The following XRCC4 variants were observed in gnomAD, a reference collection of about 807,000 sequenced individuals.
XRCC4 encodes X-ray repair cross complementing 4.
XRCC4 carries 28 observed loss-of-function variants against 39.1 expected under a neutral mutation model. The ratio of observed to expected loss-of-function variants is 0.72; its 90% CI spans 0.53 to 0.98. XRCC4 has a LOEUF of 0.98. Among genes scored for constraint, XRCC4 ranks in the 50% least tolerant of loss-of-function variants. The probability of loss-of-function intolerance (pLI) is 0.00; values close to 1 mark genes in which losing one functional copy is unlikely to be tolerated. For synonymous variants in XRCC4, 123 were observed against 126.4 expected (o/e 0.97, Z 0.18); for missense variants, 350 against 376.4 (o/e 0.93, Z 0.58).
intron 7 of XRCC4, among the ~76,000 whole-genome samples, chr5:83,340,790 G>T (rs1400821319): frequency 6.6e-6 from 1 of 152,124 alleles, no homozygotes; most frequent in Admixed American, 6.6e-5. Context: ...ATGGTAATTT[G>T]TTGCATCAGC....
intron 6 of XRCC4, among the ~76,000 whole-genome samples, chr5:83,238,249 A>G (rs897062645): frequency 2.0e-5 from 3 of 152,210 alleles, no homozygotes; most frequent in Admixed American, 6.6e-5. Flanking sequence ...GGTCTGAGCT[A>G]GAACATTTCT....
At chr5:83,326,185 T>G (rs1310473475) in intron 7 of XRCC4, among the ~76,000 whole-genome samples, 2 of 152,134 alleles carry the variant, frequency 1.3e-5, no homozygotes, top group Non-Finnish European at 2.9e-5. Flanking sequence ...GCAAAAATTT[T>G]CACCCATTCT....
intron 7 of XRCC4, among the ~76,000 whole-genome samples, chr5:83,325,800 T>C (rs1196160130): frequency 6.6e-6 from 1 of 152,142 alleles, no homozygotes; most frequent in Non-Finnish European, 1.5e-5. Flanking sequence ...AATAGAATTA[T>C]TCTATTTCTT....
intron 6 of XRCC4, among the ~76,000 whole-genome samples, chr5:83,208,879 T>C (rs894293987): frequency 6.6e-6 from 1 of 152,126 alleles, no homozygotes; most frequent in African/African-American, 2.4e-5. Context: ...TATGGCTGCA[T>C]ACTAAGGCCC....
At chr5:83,145,153 C>G (rs1006594867) in intron 3 of XRCC4, among the ~76,000 whole-genome samples, 9 of 152,192 alleles carry the variant, frequency 5.9e-5, no homozygotes, top group African/African-American at 2.2e-4. Context: ...CCTCGGCCTC[C>G]CACAGTGCTG....
intron 7 of XRCC4, among the ~76,000 whole-genome samples, chr5:83,331,375 G>T (rs1756432831): frequency 1.3e-5 from 2 of 152,006 alleles, no homozygotes; most frequent in East Asian, 3.9e-4. Flanking sequence ...CATGTACTTT[G>T]TTTGCATTGA....
At chr5:83,335,284 C>T (rs558823044) in intron 7 of XRCC4, among the ~76,000 whole-genome samples, 9 of 151,604 alleles carry the variant, frequency 5.9e-5, no homozygotes, top group East Asian at 1.9e-4. Flanking sequence ...ACTCAATTTT[C>T]GTTAAGATAA....
intron 3 of XRCC4, among the ~76,000 whole-genome samples, chr5:83,111,909 G>A (rs1409423813): frequency 6.6e-6 from 1 of 152,136 alleles, no homozygotes; most frequent in African/African-American, 2.4e-5. Context: ...TTCTGAAGGA[G>A]AGGGAAGGAA....
Position 83,282,167 on chromosome 5 carries a change from G to A in XRCC4, c.893+23490G>A, listed in dbSNP as rs146046974. Among the ~76,000 whole-genome samples the A allele has an allele frequency of 2.7e-4, 41 of 152,288 alleles. 1 individual carries two copies. The East Asian group carries it at 7.5e-3, about 28-fold the overall frequency. ...AAAATAGAAAATGGATGACTCCTATGGCAAATGGTTTGGGGAGAGACAATG... is the reference window on the plus strand; with the variant it reads ...AAAATAGAAAATGGATGACTCCTATAGCAAATGGTTTGGGGAGAGACAATG... On this transcript the variant is annotated intron_variant, in intron 7 of 7. Transcript: ENST00000396027.
At chr5:83,336,670 T>A (rs1316063412) in intron 7 of XRCC4, among the ~76,000 whole-genome samples, 2 of 152,136 alleles carry the variant, frequency 1.3e-5, no homozygotes, top group Non-Finnish European at 2.9e-5. Context: ...TAATGAAGCG[T>A]AGGTTAATAG....
chr5:83,249,328 AT>A (rs1480509786), intron 6 of XRCC4, among the ~76,000 whole-genome samples: 2 of 152,116 alleles, frequency 1.3e-5, no homozygotes, highest in Non-Finnish European at 2.9e-5. Flanking sequence ...GTGTTGCCTA[AT>A]CCCATTCGGT....
intron 6 of XRCC4, among the ~76,000 whole-genome samples, chr5:83,246,154 A>G (rs1180631900): frequency 2.0e-5 from 3 of 152,028 alleles, no homozygotes; most frequent in Non-Finnish European, 4.4e-5. Context: ...ATATCTATCT[A>G]TGTATCTATT....
At chr5:83,087,200 T>G (rs1218607467) in intron 1 of XRCC4, among the ~76,000 whole-genome samples, 1 of 147,780 alleles carries the variant, frequency 6.8e-6, no homozygotes, top group East Asian at 2.1e-4. Flanking sequence ...GCCTGTAATC[T>G]CAGCTACTCG....
chr5:83,226,869 G>A (rs1158776594), intron 6 of XRCC4, among the ~76,000 whole-genome samples: 3 of 151,988 alleles, frequency 2.0e-5, no homozygotes, highest in African/African-American at 7.2e-5. Context: ...ACATTACTCT[G>A]GCTTGGTGTC....
At chr5:83,149,275 TAG>T (rs1748599936) in intron 3 of XRCC4, among the ~76,000 whole-genome samples, 2 of 152,152 alleles carry the variant, frequency 1.3e-5, no homozygotes, top group Non-Finnish European at 2.9e-5. Context: ...TGTTTTTCTA[TAG>T]AGTTACTAAG....
At chr5:83,082,670 A>G (rs760756093) in intron 1 of XRCC4, among the ~76,000 whole-genome samples, 2 of 152,148 alleles carry the variant, frequency 1.3e-5, no homozygotes, top group African/African-American at 2.4e-5. Flanking sequence ...CCTGTGGCCT[A>G]TGATGGCTTT....
At chr5:83,078,082 C>A (rs1744751839) in intron 1 of XRCC4, among the ~76,000 whole-genome samples, 1 of 152,192 alleles carries the variant, frequency 6.6e-6, no homozygotes, top group Admixed American at 6.5e-5. Flanking sequence ...AAAGAACTTT[C>A]TGTGGTAACC....
intron 6 of XRCC4, 40 bp from the exon 7 acceptor site, chr5:83,258,490 T>A: frequency 6.3e-7 from 1 of 1,593,410 alleles, no homozygotes; most frequent in Non-Finnish European, 8.5e-7. Flanking sequence ...ATGATGTGCA[T>A]AATTTTGTTG....
At chr5:83,233,595 A>T (rs993387451) in intron 6 of XRCC4, among the ~76,000 whole-genome samples, 1 of 151,906 alleles carries the variant, frequency 6.6e-6, no homozygotes, top group Non-Finnish European at 1.5e-5. Context: ...TCTATATATA[A>T]AAGAATTATA....
Sources: allele counts gnomAD v4.1 joint callset (sites outside exome capture counted in the v4.1 genomes callset), GRCh38; gene constraint gnomAD v4.1.1; transcripts MANE v1.5; gene names NCBI Gene and HGNC (gene_info 2026-07-23, HGNC 2026-07-21).